Variants in ANO4 observed in about 807,000 individuals in gnomAD.
ANO4 encodes anoctamin 4, also known as anoctamin-4.
Under a neutral mutation model 141.9 loss-of-function variants are expected in ANO4, and 69 were observed. The ratio of observed to expected loss-of-function variants is 0.49; its 90% CI spans 0.40 to 0.59. ANO4 has a LOEUF of 0.59. ANO4 is among the 20% of genes least tolerant of loss of function. ANO4 has a pLI of 0.00. For missense variants in ANO4, 894 were observed against 1,162.2 expected (o/e 0.77, Z 3.36); for synonymous variants, 350 against 394.3 (o/e 0.89, Z 1.33).
In ANO4 at chr12:101,056,743, T is replaced by A. The variant is rs187107673; in HGVS notation, c.1312+8342T>A. On this transcript the variant is annotated intron_variant, in intron 14 of 27. Coordinates refer to ENST00000392977, the MANE Select transcript of ANO4 (RefSeq NM_001286615.2). Reference sequence around the variant, plus strand: ...GTTTTCATATATGTCTGTTATCAAGTTGAAGGACATTCCTTCTATTATTAG... The same window carrying A: ...GTTTTCATATATGTCTGTTATCAAGATGAAGGACATTCCTTCTATTATTAG... 1.5e-3 allele frequency among the ~76,000 whole-genome samples: 233 copies of A among 151,850 alleles called. 1 individual carries two copies. The highest frequency in any genetic ancestry group is 5.3e-3 in the African/African-American group (219 of 41,314).
intron 3 of ANO4, among the ~76,000 whole-genome samples, chr12:100,757,427 C>T (rs1027783119): frequency 6.6e-6 from 1 of 152,182 alleles, no homozygotes; most frequent in African/African-American, 2.4e-5. Flanking sequence ...AGTTTATTCT[C>T]TGTAATGCTT....
chr12:100,889,981 A>G (rs534689738), intron 1 of ANO4, among the ~76,000 whole-genome samples: 1 of 152,244 alleles, frequency 6.6e-6, no homozygotes, highest in African/African-American at 2.4e-5. Flanking sequence ...CTATCAGTGG[A>G]CCATAATATA....
At chr12:100,986,792 T>A (rs142076057) in intron 7 of ANO4, among the ~76,000 whole-genome samples, 123 of 152,318 alleles carry the variant, frequency 8.1e-4, no homozygotes, top group Non-Finnish European at 8.1e-4. Flanking sequence ...ACTGTTCACT[T>A]GGAAGCCAGA....
chr12:100,913,751 T>C (rs886407730), intron 2 of ANO4, among the ~76,000 whole-genome samples: 1 of 152,158 alleles, frequency 6.6e-6, no homozygotes, highest in African/African-American at 2.4e-5. Flanking sequence ...CCCTTAGCCA[T>C]GGTGGATAGT....
rs1178146414 is a variant in ANO4, at chr12:100,794,859, A to C, written c.-309A>C. On this transcript the variant is annotated 5_prime_UTR_variant, in exon 1 of 28. Coordinates refer to ENST00000392977, the MANE Select transcript of ANO4 (RefSeq NM_001286615.2). ...AGCACAAACAACTGCATACGGCCCG[A>C]GGGGAGGCTGAAAAGGACTTGTGTG... The C allele has an allele frequency of 1.3e-5, 2 of 152,546 alleles. No homozygotes were observed. Among genetic ancestry groups the C allele is most frequent in the Admixed American group, 1.3e-4 (2 of 15,268 alleles). 9.4% of individuals were successfully genotyped at this position (152,546 alleles called of 1,614,324 possible).
At chr12:100,770,252 C>T (rs543629067) in intron 3 of ANO4, among the ~76,000 whole-genome samples, 14 of 152,266 alleles carry the variant, frequency 9.2e-5, no homozygotes, top group Admixed American at 3.3e-4. Context: ...CATGTGGACT[C>T]GGGTTCTTAC....
chr12:101,005,343 G>A (rs2045827011), intron 8 of ANO4, among the ~76,000 whole-genome samples: 1 of 152,160 alleles, frequency 6.6e-6, no homozygotes, highest in Non-Finnish European at 1.5e-5. Flanking sequence ...CTTTTGAATA[G>A]CAAATAAAAC....
chr12:100,918,989 G>GT (rs1357505007), intron 2 of ANO4, among the ~76,000 whole-genome samples: 1 of 151,918 alleles, frequency 6.6e-6, no homozygotes, highest in Non-Finnish European at 1.5e-5. Context: ...GTGTGTGTTT[G>GT]TATCCTCATT....
At chr12:100,801,397 G>A (rs2034679866) in intron 1 of ANO4, among the ~76,000 whole-genome samples, 1 of 152,058 alleles carries the variant, frequency 6.6e-6, no homozygotes, top group Non-Finnish European at 1.5e-5. Flanking sequence ...AAAACCCCAG[G>A]AAATGTTTCT....
intron 5 of ANO4, among the ~76,000 whole-genome samples, chr12:100,955,926 A>C (rs2043157807): frequency 6.6e-6 from 1 of 152,152 alleles, no homozygotes; most frequent in Non-Finnish European, 1.5e-5. Flanking sequence ...TCCCAGACAG[A>C]GTGTGAATCC....
intron 3 of ANO4, among the ~76,000 whole-genome samples, chr12:100,748,014 G>T (rs932669037): frequency 9.2e-5 from 14 of 152,130 alleles, no homozygotes; most frequent in African/African-American, 3.4e-4. Context: ...TTTTACCTGT[G>T]CACCTAAGGT....
chr12:100,971,866 C>CA (rs1246833233), intron 6 of ANO4, among the ~76,000 whole-genome samples: 11 of 146,536 alleles, frequency 7.5e-5, no homozygotes, highest in South Asian at 2.2e-4. Context: ...AAAAAAAAAA[C>CA]AAAAAAAACC....
At chr12:101,027,575 A>G (rs1367160416) in intron 9 of ANO4, among the ~76,000 whole-genome samples, 1 of 152,200 alleles carries the variant, frequency 6.6e-6, no homozygotes, top group Non-Finnish European at 1.5e-5. Flanking sequence ...CCCACAGCTC[A>G]ACACACTGGC....
At chr12:101,033,641 G>A (rs113775725) in intron 9 of ANO4, among the ~76,000 whole-genome samples, 1 of 152,090 alleles carries the variant, frequency 6.6e-6, no homozygotes, top group Non-Finnish European at 1.5e-5. Flanking sequence ...ACTGACAAAT[G>A]AGTTCTAATT....
chr12:100,782,022 C>G (rs755130996), intron 3 of ANO4, among the ~76,000 whole-genome samples: 4 of 152,190 alleles, frequency 2.6e-5, no homozygotes, highest in Non-Finnish European at 2.9e-5. Context: ...TCATCACTTC[C>G]TTTGTGGACA....
At chr12:101,068,830 G>A in intron 14 of ANO4, 2 of 1,056,606 alleles carry the variant, frequency 1.9e-6, no homozygotes, top group Non-Finnish European at 3.0e-6. Flanking sequence ...GAAGGTTGCT[G>A]AGCTATTTGA....
chr12:100,849,198 T>C (rs922051599), intron 1 of ANO4, among the ~76,000 whole-genome samples: 6 of 152,308 alleles, frequency 3.9e-5, no homozygotes, highest in Non-Finnish European at 8.8e-5. Flanking sequence ...ACAATAGACA[T>C]GTATTTTACT....
intron 5 of ANO4, among the ~76,000 whole-genome samples, chr12:100,963,085 G>T (rs982034765): frequency 3.9e-5 from 6 of 152,198 alleles, no homozygotes; most frequent in African/African-American, 1.2e-4. Context: ...GAGCAATTTT[G>T]CCAGTGAAGC....
intron 22 of ANO4, among the ~76,000 whole-genome samples, chr12:101,106,730 T>C (rs908260914): frequency 6.6e-6 from 1 of 151,692 alleles, no homozygotes; most frequent in Admixed American, 6.6e-5. Context: ...TAAAAAGATA[T>C]TAAGCAGGTA....
Sources: allele counts gnomAD v4.1 joint callset (sites outside exome capture counted in the v4.1 genomes callset), GRCh38; gene constraint gnomAD v4.1.1; transcripts MANE v1.5; gene names NCBI Gene and HGNC (gene_info 2026-07-23, HGNC 2026-07-21).